Variants in GLDN observed in about 807,000 individuals in gnomAD.
GLDN encodes the protein gliomedin.
A neutral mutation model predicts 56.5 loss-of-function variants in GLDN; 47 were observed. The observed-to-expected ratio is 0.83, with a 90% CI of 0.66 to 1.06. The LOEUF is 1.06. Among genes scored for constraint, GLDN ranks in the 50% least tolerant of loss-of-function variants. The pLI, the probability that GLDN is intolerant of heterozygous loss-of-function variation, is 0.00. For missense variants in GLDN, 782 were observed against 714.3 expected, an observed-to-expected ratio of 1.09 and a Z score of -1.08; for synonymous variants, 332 against 278.8, an observed-to-expected ratio of 1.19 and a Z score of -1.90.
At chr15:51,360,175 CA>C (rs1327736894) in intron 1 of GLDN, 2 of 152,130 alleles carry the variant, frequency 1.3e-5, no homozygotes, top group Admixed American at 6.5e-5. Flanking sequence ...TAATAGAGAT[CA>C]GGAGGAGCAG....
At chr15:51,376,390 A>T (rs1371153044) in intron 1 of GLDN, among the ~76,000 whole-genome samples, 3 of 152,236 alleles carry the variant, frequency 2.0e-5, no homozygotes, top group Admixed American at 2.0e-4. Flanking sequence ...TGTATAGGAC[A>T]CTTACCATGA....
chr15:51,394,138 G>A (rs1359487398), intron 4 of GLDN, among the ~76,000 whole-genome samples: 1 of 152,156 alleles, frequency 6.6e-6, no homozygotes, highest in Non-Finnish European at 1.5e-5. Flanking sequence ...TATGTTGTGA[G>A]GAATAAACTA....
chr15:51,387,871 T>C (rs1444949591), intron 4 of GLDN, among the ~76,000 whole-genome samples: 9 of 152,226 alleles, frequency 5.9e-5, no homozygotes, highest in Admixed American at 5.2e-4. Context: ...AAGGTCTCCG[T>C]ACACTCAGCT....
chr15:51,381,151 G>T (rs997258359), intron 2 of GLDN, among the ~76,000 whole-genome samples: 1 of 152,188 alleles, frequency 6.6e-6, no homozygotes, highest in Non-Finnish European at 1.5e-5. Context: ...GAGAGCCTTG[G>T]CCACGGCTAA....
intron 1 of GLDN, among the ~76,000 whole-genome samples, chr15:51,364,382 A>G (rs1053250210): frequency 3.3e-5 from 5 of 152,130 alleles, no homozygotes; most frequent in African/African-American, 9.7e-5. Flanking sequence ...TAAGCCCTGT[A>G]CTTATTTTTT....
intron 1 of GLDN, among the ~76,000 whole-genome samples, chr15:51,352,365 A>G (rs936843455): frequency 1.3e-5 from 2 of 152,140 alleles, no homozygotes; most frequent in Non-Finnish European, 2.9e-5. Flanking sequence ...ACCTCCTAAT[A>G]TCATCACATT....
At chr15:51,349,161 T>A (rs1030548897) in intron 1 of GLDN, among the ~76,000 whole-genome samples, 1 of 152,262 alleles carries the variant, frequency 6.6e-6, no homozygotes, top group Admixed American at 6.5e-5. Context: ...AACAGGTAGC[T>A]TTGCATTATG....
chr15:51,342,186 G>T, intron 1 of GLDN, 139 bp downstream of exon 1: 1 of 1,110,760 alleles, frequency 9.0e-7, no homozygotes, highest in Non-Finnish European at 1.3e-6. Flanking sequence ...AGTAGCTGGG[G>T]ATGTCACCTT....
intron 8 of GLDN, 91 bp from the exon 9 acceptor site, chr15:51,401,502 T>G (rs2038248377): frequency 8.2e-7 from 1 of 1,220,950 alleles, no homozygotes; most frequent in African/African-American, 1.5e-5. Context: ...CACTCTCAAC[T>G]TCCCGCCTTT....
At chr15:51,345,352 T>C (rs1358836859) in intron 1 of GLDN, among the ~76,000 whole-genome samples, 6 of 152,214 alleles carry the variant, frequency 3.9e-5, no homozygotes, top group Non-Finnish European at 5.9e-5. Flanking sequence ...GTATCCATGA[T>C]AATTGTTGTC....
At chr15:51,398,749 G>T (rs1344301602) in intron 6 of GLDN, among the ~76,000 whole-genome samples, 1 of 152,198 alleles carries the variant, frequency 6.6e-6, no homozygotes, top group Non-Finnish European at 1.5e-5. Flanking sequence ...GGGCTGCCGT[G>T]CAGTGCCTCC....
At chr15:51,388,506 T>C (rs184039103) in intron 4 of GLDN, among the ~76,000 whole-genome samples, 103 of 152,318 alleles carry the variant, frequency 6.8e-4, no homozygotes, top group African/African-American at 2.4e-3. Flanking sequence ...GCTGTTGTGC[T>C]GATGGGCTGA....
chr15:51,374,085 C>T (rs538480217), intron 1 of GLDN, among the ~76,000 whole-genome samples: 2 of 152,280 alleles, frequency 1.3e-5, no homozygotes, highest in South Asian at 4.1e-4. Context: ...ACATAATTTA[C>T]TGGTAAATAT....
In GLDN at chr15:51,404,156, G is replaced by A. The variant is rs140999503; in HGVS notation, c.1179-121G>A. The A allele has an allele frequency of 1.2e-5, 9 of 737,348 alleles. No homozygotes were observed. The African/African-American group carries it at 1.6e-4, about 13-fold the overall frequency. 45.7% of individuals were successfully genotyped at this position (737,348 alleles called of 1,614,324 possible). On this transcript the variant is annotated intron_variant, in intron 9 of 9. Coordinates refer to ENST00000335449, the MANE Select transcript of GLDN (RefSeq NM_181789.4). ...CAGGCATTACCTGGGAGCTTGTAAG[G>A]AATGCAAAATCCCAGCCCTCACCCC...
chr15:51,353,734 A>AAAAAAAAAAAAC lies in GLDN; in HGVS notation c.363+11687_363+11688insAAAAAAAAAAAC, dbSNP rs60404846. Among the ~76,000 whole-genome samples the AAAAAAAAAAAAC allele has an allele frequency of 1.9e-3, 247 of 128,836 alleles. 23 individuals carry two copies. The East Asian group carries it at 0.03, about 16-fold the overall frequency. The allele number at this position is 128,836 out of a possible 152,430, so 84.5% of individuals were successfully genotyped here. On this transcript the variant is annotated intron_variant, in intron 1 of 9. Coordinates refer to ENST00000335449, the MANE Select transcript of GLDN (RefSeq NM_181789.4). ...TTGATTAAAAAAAAAAAAAAAAAAA[A>AAAAAAAAAAAAC]CCACAGTCAATTAAAAAAAAAAAAA...
chr15:51,387,167 A>AG (rs2037915333), intron 4 of GLDN, among the ~76,000 whole-genome samples: 1 of 152,072 alleles, frequency 6.6e-6, no homozygotes, highest in Non-Finnish European at 1.5e-5. Context: ...GAGTCAGCAA[A>AG]GGAGACTGAG....
At chr15:51,363,879 G>C (rs1157613852) in intron 1 of GLDN, among the ~76,000 whole-genome samples, 1 of 152,158 alleles carries the variant, frequency 6.6e-6, no homozygotes, top group Non-Finnish European at 1.5e-5. Flanking sequence ...ATTCTAGACA[G>C]AAAATGTTTT....
chr15:51,392,786 A>G (rs968462939), intron 4 of GLDN, among the ~76,000 whole-genome samples: 2 of 142,068 alleles, frequency 1.4e-5, no homozygotes, highest in Non-Finnish European at 3.0e-5. Flanking sequence ...TCCCCTCTCA[A>G]GGACCCTGTA....
intron 1 of GLDN, among the ~76,000 whole-genome samples, chr15:51,364,665 C>T (rs780141847): frequency 7.9e-5 from 12 of 152,074 alleles, no homozygotes; most frequent in Non-Finnish European, 1.6e-4. Context: ...CTTGAACATA[C>T]GAAAATGGTT....
Sources: allele counts gnomAD v4.1 joint callset (sites outside exome capture counted in the v4.1 genomes callset), GRCh38; gene constraint gnomAD v4.1.1; transcripts MANE v1.5; gene names NCBI Gene and HGNC (gene_info 2026-07-23, HGNC 2026-07-21).